DGKB: variants seen among roughly 807,000 people sequenced by gnomAD.
DGKB encodes 90 kDa diacylglycerol kinase.
A neutral mutation model predicts 114.3 loss-of-function variants in DGKB; 67 were observed. The observed-to-expected ratio is 0.59, with a 90% CI of 0.48 to 0.72. DGKB has a LOEUF of 0.72. Ranked by LOEUF, DGKB falls within the 30% of genes least tolerant of loss-of-function variation. The probability of loss-of-function intolerance (pLI) is 0.00; values close to 1 mark genes in which losing one functional copy is unlikely to be tolerated. For missense variants in DGKB, 907 were observed against 975.2 expected, an observed-to-expected ratio of 0.93 and a Z score of 0.93; for synonymous variants, 398 against 323.1, an observed-to-expected ratio of 1.23 and a Z score of -2.49.
intron 13 of DGKB, among the ~76,000 whole-genome samples, chr7:14,671,922 C>G (rs559728049): frequency 5.3e-5 from 8 of 152,098 alleles, no homozygotes; most frequent in African/African-American, 1.9e-4. Flanking sequence ...CATAGGATGT[C>G]TAATAAACCT....
At chr7:14,306,591 C>G (rs1412605781) in intron 23 of DGKB, among the ~76,000 whole-genome samples, 6 of 151,914 alleles carry the variant, frequency 3.9e-5, no homozygotes, top group African/African-American at 1.5e-4. Flanking sequence ...CCAGTCGGTA[C>G]AGTAGATAAT....
chr7:14,710,858 C>A (rs1485216333), intron 6 of DGKB, among the ~76,000 whole-genome samples: 2 of 151,936 alleles, frequency 1.3e-5, no homozygotes, highest in Non-Finnish European at 2.9e-5. Flanking sequence ...CAAATTGAAC[C>A]TGGACATGTT....
chr7:14,323,025 T>C (rs1317938132), intron 23 of DGKB, among the ~76,000 whole-genome samples: 1 of 152,154 alleles, frequency 6.6e-6, no homozygotes, highest in Non-Finnish European at 1.5e-5. Context: ...ACATACCTTA[T>C]GACCCAGCAA....
In DGKB at chr7:14,449,219, G is replaced by C. The variant is rs190553405; in HGVS notation, c.1835+28942C>G. ...TTAGTAAGTAATTTTTCCTAATTAG[G>C]GAATTATTATTTTTTGTTGATGAGC... On this transcript the variant is annotated intron_variant, in intron 21 of 25. Coordinates refer to ENST00000402815, the MANE Select transcript of DGKB (RefSeq NM_001350709.2). Among the ~76,000 whole-genome samples, 210 of 152,012 alleles carry C rather than the reference G, an allele frequency of 1.4e-3. 2 individuals are homozygous for C. The highest frequency in any genetic ancestry group is 6.8e-3 in the Middle Eastern group (2 of 294).
intron 20 of DGKB, among the ~76,000 whole-genome samples, chr7:14,526,353 C>T (rs886399168): frequency 9.2e-5 from 14 of 151,940 alleles, no homozygotes; most frequent in African/African-American, 3.4e-4. Context: ...CAAGTTGTGA[C>T]AATAAAAAAT....
intron 17 of DGKB, among the ~76,000 whole-genome samples, chr7:14,591,965 T>C (rs770873681): frequency 2.6e-5 from 4 of 151,966 alleles, no homozygotes; most frequent in Non-Finnish European, 5.9e-5. Context: ...TAAATCAGAA[T>C]TCTTAACATC....
chr7:14,240,038 G>C (rs750169369), intron 23 of DGKB, among the ~76,000 whole-genome samples: 8 of 151,954 alleles, frequency 5.3e-5, no homozygotes, highest in African/African-American at 9.7e-5. Context: ...GTTTTGTTTA[G>C]AAAATAATGG....
intron 1 of DGKB, among the ~76,000 whole-genome samples, chr7:14,875,132 A>AAAT (rs967124374): frequency 2.6e-5 from 4 of 152,124 alleles, no homozygotes; most frequent in South Asian, 4.2e-4. Context: ...GAGAATACCA[A>AAAT]AATAATAATA....
chr7:14,338,994 T>A (rs1037382448), intron 22 of DGKB, among the ~76,000 whole-genome samples: 14 of 152,068 alleles, frequency 9.2e-5, no homozygotes, highest in Non-Finnish European at 7.4e-5. Context: ...CTCGTTAGCA[T>A]CTGCATATAT....
chr7:14,900,738 A>C (rs1782887772), intron 1 of DGKB, among the ~76,000 whole-genome samples: 1 of 152,180 alleles, frequency 6.6e-6, no homozygotes, highest in Non-Finnish European at 1.5e-5. Context: ...AGCTTTGCTT[A>C]CCAGTAGGAC....
chr7:14,965,694 C>A (rs1787108770), intron 1 of DGKB, among the ~76,000 whole-genome samples: 1 of 151,944 alleles, frequency 6.6e-6, no homozygotes, highest in African/African-American at 2.4e-5. Context: ...TATAGCAAAA[C>A]CACCCTTCAT....
chr7:14,738,595 G>A (rs572727230), intron 4 of DGKB, among the ~76,000 whole-genome samples: 21 of 152,224 alleles, frequency 1.4e-4, no homozygotes, highest in Non-Finnish European at 2.2e-4. Context: ...AGTAAACATT[G>A]TATGTAATTA....
chr7:14,833,676 C>T (rs1426519468), intron 2 of DGKB, among the ~76,000 whole-genome samples: 1 of 152,060 alleles, frequency 6.6e-6, no homozygotes, highest in Non-Finnish European at 1.5e-5. Flanking sequence ...TAGACTCATG[C>T]CCATGTACAC....
intron 23 of DGKB, among the ~76,000 whole-genome samples, chr7:14,261,190 C>A (rs993504382): frequency 5.3e-5 from 8 of 151,082 alleles, no homozygotes; most frequent in African/African-American, 1.9e-4. Flanking sequence ...GTTGGGTTGC[C>A]CACTACCAAA....
intron 23 of DGKB, among the ~76,000 whole-genome samples, chr7:14,319,078 A>T (rs570937217): frequency 6.8e-6 from 1 of 147,160 alleles, no homozygotes; most frequent in South Asian, 2.2e-4. Flanking sequence ...ATAGGTGGGA[A>T]TTGAACAATG....
chr7:14,516,574 C>T (rs190705475), intron 20 of DGKB, among the ~76,000 whole-genome samples: 27 of 152,294 alleles, frequency 1.8e-4, no homozygotes, highest in African/African-American at 6.3e-4. Context: ...CAGTTCAACA[C>T]TGCCATGCAA....
intron 20 of DGKB, among the ~76,000 whole-genome samples, chr7:14,479,410 A>C (rs1399327810): frequency 6.6e-6 from 1 of 152,166 alleles, no homozygotes; most frequent in Non-Finnish European, 1.5e-5. Context: ...CTGTATAAAC[A>C]TTTGATACCC....
chr7:14,639,787 T>C (rs1811403311), intron 13 of DGKB, among the ~76,000 whole-genome samples: 2 of 152,218 alleles, frequency 1.3e-5, no homozygotes, highest in Admixed American at 6.5e-5. Flanking sequence ...AAAGAACTTT[T>C]TCTCCCTCCA....
chr7:14,892,563 AT>A (rs1472519584), intron 1 of DGKB, among the ~76,000 whole-genome samples: 1 of 151,178 alleles, frequency 6.6e-6, no homozygotes, highest in East Asian at 1.9e-4. Flanking sequence ...ATTAAGGTAA[AT>A]TGTTATCATT....
Sources: gnomAD v4.1 joint callset for allele counts (sites outside exome capture counted in the v4.1 genomes callset) on GRCh38, gnomAD v4.1.1 for gene constraint, MANE v1.5 for transcripts, NCBI Gene and HGNC (gene_info 2026-07-23, HGNC 2026-07-21) for gene names.